Variants in AFAP1 observed in about 807,000 individuals in gnomAD.
AFAP1 encodes the protein actin filament associated protein 1.
AFAP1 carries 75 observed loss-of-function variants against 93.9 expected under a neutral mutation model. That is an observed-to-expected ratio of 0.80 (90% CI 0.66 to 0.97). AFAP1 has a LOEUF of 0.97. Among genes scored for constraint, AFAP1 ranks in the 50% least tolerant of loss-of-function variants. AFAP1 has a pLI of 0.00. For missense variants in AFAP1, 1,201 were observed against 1,050.8 expected, an observed-to-expected ratio of 1.14 and a Z score of -1.98; for synonymous variants, 517 against 430.7, an observed-to-expected ratio of 1.20 and a Z score of -2.48.
chr4:7,783,145 A>G (rs1467296722), intron 12 of AFAP1, among the ~76,000 whole-genome samples: 4 of 152,118 alleles, frequency 2.6e-5, no homozygotes, highest in Non-Finnish European at 5.9e-5. Context: ...ATAAATATGA[A>G]CTTTTTTTTT....
At chr4:7,815,720 G>C (rs148721970) in intron 8 of AFAP1, among the ~76,000 whole-genome samples, 69 of 152,308 alleles carry the variant, frequency 4.5e-4, no homozygotes, top group African/African-American at 1.6e-3. Context: ...GACAGATCGA[G>C]TGAAGAAATA....
At chr4:7,767,040 T>C (rs1018916963) in intron 17 of AFAP1, among the ~76,000 whole-genome samples, 2 of 152,318 alleles carry the variant, frequency 1.3e-5, no homozygotes, top group East Asian at 1.9e-4. Flanking sequence ...AGTGCATTCA[T>C]GTTCTCAGGG....
chr4:7,858,127 A>G (rs1439456638), intron 3 of AFAP1, among the ~76,000 whole-genome samples: 1 of 152,172 alleles, frequency 6.6e-6, no homozygotes, highest in Non-Finnish European at 1.5e-5. Context: ...GTGTACAGCC[A>G]TTTACTTTAT....
chr4:7,918,120 T>C (rs1008011158), intron 1 of AFAP1, among the ~76,000 whole-genome samples: 7 of 152,166 alleles, frequency 4.6e-5, no homozygotes, highest in Non-Finnish European at 1.0e-4. Flanking sequence ...CTGGAGAAGA[T>C]GGGTGCAACT....
chr4:7,873,527 T>C (rs1055538147), intron 1 of AFAP1, among the ~76,000 whole-genome samples: 2 of 151,174 alleles, frequency 1.3e-5, no homozygotes, highest in African/African-American at 2.4e-5. Flanking sequence ...TTTTTGTATT[T>C]TTAGTAGAGA....
intron 6 of AFAP1, among the ~76,000 whole-genome samples, chr4:7,824,968 G>A (rs1290929732): frequency 6.6e-6 from 1 of 152,180 alleles, no homozygotes; most frequent in Non-Finnish European, 1.5e-5. Flanking sequence ...TGGTTCATTA[G>A]TACTGAACAA....
At chr4:7,847,578 C>T (rs1713862472) in intron 4 of AFAP1, among the ~76,000 whole-genome samples, 2 of 152,244 alleles carry the variant, frequency 1.3e-5, no homozygotes, top group South Asian at 4.1e-4. Context: ...GTAGCTCCAC[C>T]AGCCAGAGCT....
chr4:7,862,401 G>GC (rs1715820974), intron 3 of AFAP1: 1 of 54,748 alleles, frequency 1.8e-5, no homozygotes. Context: ...GTTGGGGGCG[G>GC]GGGGGGGGGG....
chr4:7,842,506 C>T (rs1156301450), intron 5 of AFAP1, among the ~76,000 whole-genome samples: 1 of 151,524 alleles, frequency 6.6e-6, no homozygotes, highest in Non-Finnish European at 1.5e-5. Context: ...AAAAAAAAGG[C>T]AGGAGGAAAA....
intron 4 of AFAP1, among the ~76,000 whole-genome samples, chr4:7,848,870 G>C (rs1035017859): frequency 6.6e-6 from 1 of 152,144 alleles, no homozygotes; most frequent in South Asian, 2.1e-4. Context: ...GAACACTCCA[G>C]TAAACTACTA....
At chr4:7,896,196 T>C (rs1718752985) in intron 1 of AFAP1, among the ~76,000 whole-genome samples, 3 of 152,160 alleles carry the variant, frequency 2.0e-5, no homozygotes, top group Admixed American at 2.0e-4. Context: ...CCAATTTCTA[T>C]GGAGCAAATT....
intron 1 of AFAP1, among the ~76,000 whole-genome samples, chr4:7,920,443 G>C (rs948396303): frequency 2.6e-5 from 4 of 152,124 alleles, no homozygotes; most frequent in Non-Finnish European, 4.4e-5. Context: ...GTCCGTATTT[G>C]GGGTCATCTT....
chr4:7,779,129 C>T (rs1048336431), intron 13 of AFAP1: 3 of 433,716 alleles, frequency 6.9e-6, no homozygotes, highest in African/African-American at 4.1e-5. Flanking sequence ...GCAGAAGTGG[C>T]CCCTTTCTAC....
chr4:7,830,533 A>C (rs1184807460), intron 6 of AFAP1, among the ~76,000 whole-genome samples: 3 of 152,212 alleles, frequency 2.0e-5, no homozygotes, highest in Non-Finnish European at 2.9e-5. Flanking sequence ...TTTACACAGA[A>C]ATTCTAAAAC....
chr4:7,765,825 G>GT (rs1326486087), intron 17 of AFAP1, among the ~76,000 whole-genome samples: 1 of 152,168 alleles, frequency 6.6e-6, no homozygotes, highest in Admixed American at 6.5e-5. Flanking sequence ...ATGGTACAAC[G>GT]TGAGTCCCAC....
chr4:7,763,919 A>C (rs1024008542), intron 17 of AFAP1, 128 bp from the exon 18 acceptor site: 2 of 831,622 alleles, frequency 2.4e-6, no homozygotes, highest in African/African-American at 3.4e-5. Flanking sequence ...AACAGAATCA[A>C]TGACCAATGA....
chr4:7,893,580 C>CAAAAAA (rs11331784), intron 1 of AFAP1, among the ~76,000 whole-genome samples: 11 of 106,188 alleles, frequency 1.0e-4, no homozygotes, highest in African/African-American at 1.6e-4. Flanking sequence ...GACTCTGTCT[C>CAAAAAA]AAAAAAAAAA....
chr4:7,875,964 T>C (rs1269605237), intron 1 of AFAP1, among the ~76,000 whole-genome samples: 2 of 152,106 alleles, frequency 1.3e-5, no homozygotes, highest in African/African-American at 2.4e-5. Flanking sequence ...GGGTTCAGAG[T>C]TAACAGTTTG....
intron 11 of AFAP1, among the ~76,000 whole-genome samples, chr4:7,787,249 C>T (rs938277434): frequency 3.3e-5 from 5 of 152,202 alleles, no homozygotes; most frequent in African/African-American, 1.2e-4. Context: ...GCGTGGTGCG[C>T]CCAGCGAGGG....
Sources: allele counts gnomAD v4.1 joint callset (sites outside exome capture counted in the v4.1 genomes callset), GRCh38; gene constraint gnomAD v4.1.1; transcripts MANE v1.5; gene names NCBI Gene and HGNC (gene_info 2026-07-23, HGNC 2026-07-21).